GPR149: variants seen among roughly 807,000 people sequenced by gnomAD.
GPR149 encodes the protein G protein-coupled receptor 149.
In GPR149, 50 loss-of-function variants were observed where a neutral mutation model predicts 50.2. The ratio of observed to expected loss-of-function variants is 1.00; its 90% CI spans 0.79 to 1.26. GPR149 has a LOEUF of 1.26. GPR149 is among the 50% of genes most tolerant of loss of function. The pLI, the probability that GPR149 is intolerant of heterozygous loss-of-function variation, is 0.00. For missense variants in GPR149, 983 were observed against 895.4 expected (o/e 1.10, Z -1.25); for synonymous variants, 405 against 358.2 (o/e 1.13, Z -1.48).
intron 3 of GPR149, among the ~76,000 whole-genome samples, chr3:154,351,640 T>C (rs7433730): frequency 6.6e-6 from 1 of 152,198 alleles, no homozygotes; most frequent in East Asian, 1.9e-4. Flanking sequence ...TTTCAGATGA[T>C]GCTGAAGCTG....
chr3:154,421,862 A>T (rs1480133313), intron 2 of GPR149, among the ~76,000 whole-genome samples: 1 of 151,746 alleles, frequency 6.6e-6, no homozygotes, highest in Non-Finnish European at 1.5e-5. Context: ...GGGATAAGAG[A>T]TATTATTTAT....
chr3:154,363,744 T>A (rs565216539), intron 3 of GPR149, among the ~76,000 whole-genome samples: 2 of 152,184 alleles, frequency 1.3e-5, no homozygotes, highest in African/African-American at 4.8e-5. Context: ...TCCTTCTGAA[T>A]GATGCCTTTT....
At chr3:154,424,673 C>T (rs756362254) in intron 2 of GPR149, among the ~76,000 whole-genome samples, 16 of 151,556 alleles carry the variant, frequency 1.1e-4, no homozygotes, top group Non-Finnish European at 1.6e-4. Flanking sequence ...GAAATTTATA[C>T]TAAACATCTT....
intron 3 of GPR149, among the ~76,000 whole-genome samples, chr3:154,363,045 A>G (rs1714452090): frequency 6.6e-6 from 1 of 152,182 alleles, no homozygotes; most frequent in Admixed American, 6.5e-5. Flanking sequence ...AGAAAGAAAG[A>G]GCATGGCATA....
rs59932456 is a variant in GPR149, at chr3:154,377,348, A to AATTATTATTATT, written c.1624-39089_1624-39078dup. Among the ~76,000 whole-genome samples, 783 of 139,234 alleles carry AATTATTATTATT rather than the reference A, an allele frequency of 5.6e-3. 7 individuals carry two copies. The highest frequency in any genetic ancestry group is 0.011 in the Middle Eastern group (3 of 274). The allele number at this position is 139,234 out of a possible 152,430, so 91.3% of individuals were successfully genotyped here. A position where few individuals can be genotyped will look rare whatever the true frequency, so the allele number is the denominator to read the frequency against. On this transcript the variant is annotated intron_variant, in intron 3 of 3. Coordinates refer to ENST00000389740, the MANE Select transcript of GPR149 (RefSeq NM_001038705.3). The stretch of plus-strand genomic sequence containing the variant: ...GCTAGAAGATCTTGATCTGCTCTGT[A>AATTATTATTATT]ATTATTATTATTATTATTATTATTA...
chr3:154,383,072 A>G (rs1224114174), intron 3 of GPR149, among the ~76,000 whole-genome samples: 3 of 152,218 alleles, frequency 2.0e-5, no homozygotes, highest in South Asian at 2.1e-4. Flanking sequence ...TGCTGGGGCC[A>G]GCCTGCAGGA....
intron 3 of GPR149, chr3:154,353,438 A>G: frequency 4.0e-6 from 4 of 1,003,380 alleles, no homozygotes; most frequent in Non-Finnish European, 6.4e-6. Flanking sequence ...GTTCATTAAA[A>G]TCTAAATCTA....
intron 3 of GPR149, among the ~76,000 whole-genome samples, chr3:154,392,470 C>T (rs1323737204): frequency 1.3e-5 from 2 of 151,568 alleles, no homozygotes; most frequent in African/African-American, 4.8e-5. Flanking sequence ...GCAGTCAATG[C>T]CTATATTTAA....
At chr3:154,413,643 TA>T (rs35582545) in intron 3 of GPR149, among the ~76,000 whole-genome samples, 1 of 148,142 alleles carries the variant, frequency 6.8e-6, no homozygotes, top group African/African-American at 2.5e-5. Context: ...GATTATAAAA[TA>T]AAAAAAAAAA....
intron 3 of GPR149, among the ~76,000 whole-genome samples, chr3:154,394,926 C>A (rs545866296): frequency 5.9e-5 from 9 of 152,252 alleles, no homozygotes; most frequent in Non-Finnish European, 1.2e-4. Flanking sequence ...AGCATTCCAA[C>A]TGTTAGTAGC....
chr3:154,336,743 A>G lies in GPR149; in HGVS notation c.*956T>C, dbSNP rs927482225. ...TATTTGAAGTAAACTTTTCTATTTC[A>G]AGAATGACTAAGAAAGGTTGCCCAA... On this transcript the variant is annotated 3_prime_UTR_variant, in exon 4 of 4. Transcript: ENST00000389740. 6.6e-6 allele frequency: 1 copy of G among 152,142 alleles called. No individual in the cohort carries two copies. The highest frequency in any genetic ancestry group is 1.5e-5 in the Non-Finnish European group (1 of 67,962). The allele number at this position is 152,142 out of a possible 1,614,324, so 9.4% of individuals were successfully genotyped here.
rs1052556507 is a variant in GPR149, at chr3:154,353,921, G to T, written c.1624-15650C>A. The T allele has an allele frequency of 5.7e-6, 3 of 525,586 alleles. No individual in the cohort carries two copies. The African/African-American group carries it at 5.8e-5, about 10-fold the overall frequency. The allele number at this position is 525,586 out of a possible 1,614,324, so 32.6% of individuals were successfully genotyped here. A position where few individuals can be genotyped will look rare whatever the true frequency, so the allele number is the denominator to read the frequency against. On this transcript the variant is annotated intron_variant, in intron 3 of 3. Transcript: ENST00000389740. The stretch of plus-strand genomic sequence containing the variant: ...TTCAGAAATACGGAAATAGGAGAAA[G>T]CTCTTTCTTTCTGTTCACATGTTAA...
rs1432793289 is a variant in GPR149, at chr3:154,351,446, A to T, written c.1624-13175T>A. The stretch of plus-strand genomic sequence containing the variant: ...AAACTAAAAATTTTATTTGAAAGAT[A>T]TAGGAGAAAATCTTTGAGATCTAAG... On this transcript the variant is annotated intron_variant, in intron 3 of 3. Transcript: ENST00000389740. Among the ~76,000 whole-genome samples the T allele has an allele frequency of 2.6e-5, 4 of 152,154 alleles. No individual in the cohort carries two copies. In the East Asian group the frequency reaches 7.7e-4, roughly 29 times the overall value.
At chr3:154,397,921 G>A (rs921565873) in intron 3 of GPR149, among the ~76,000 whole-genome samples, 3 of 149,958 alleles carry the variant, frequency 2.0e-5, no homozygotes, top group African/African-American at 7.3e-5. Flanking sequence ...GGTTGGCAAT[G>A]GTTATAAGAT....
intron 3 of GPR149, among the ~76,000 whole-genome samples, chr3:154,415,138 T>C (rs973806096): frequency 6.6e-6 from 1 of 151,530 alleles, no homozygotes; most frequent in African/African-American, 2.4e-5. Context: ...TGAGTTCAAG[T>C]AGAGAGTAAC....
intron 3 of GPR149, among the ~76,000 whole-genome samples, chr3:154,351,313 CAAAAAAAAAAAAAA>C (rs71155003): frequency 6.4e-4 from 48 of 75,530 alleles, no homozygotes; most frequent in African/African-American, 6.7e-4. Context: ...CATCCACATA[CAAAAAAAAAAAAAA>C]AAAAAAAAAA....
At chr3:154,342,211 G>T (rs1344964263) in intron 3 of GPR149, among the ~76,000 whole-genome samples, 3 of 152,024 alleles carry the variant, frequency 2.0e-5, no homozygotes, top group Non-Finnish European at 4.4e-5. Flanking sequence ...ATAAACAAAA[G>T]TGAAAGACTA....
intron 3 of GPR149, among the ~76,000 whole-genome samples, chr3:154,402,975 A>T (rs1417030100): frequency 6.6e-6 from 1 of 152,210 alleles, no homozygotes; most frequent in Admixed American, 6.5e-5. Flanking sequence ...AAGAGGGAGG[A>T]AAAACATATT....
intron 3 of GPR149, among the ~76,000 whole-genome samples, chr3:154,369,754 C>A (rs1251625256): frequency 1.3e-5 from 2 of 152,220 alleles, no homozygotes; most frequent in Non-Finnish European, 2.9e-5. Flanking sequence ...TATAGATGTC[C>A]TGCAAGGATT....
Sources: allele counts gnomAD v4.1 joint callset (sites outside exome capture counted in the v4.1 genomes callset), GRCh38; gene constraint gnomAD v4.1.1; transcripts MANE v1.5; gene names NCBI Gene and HGNC (gene_info 2026-07-23, HGNC 2026-07-21).